Variants in CEP112 observed in about 807,000 individuals in gnomAD.
The protein encoded by CEP112 is centrosomal protein 112.
A neutral mutation model predicts 153.0 loss-of-function variants in CEP112; 127 were observed. The ratio of observed to expected loss-of-function variants is 0.83; its 90% CI spans 0.72 to 0.96. CEP112 has a LOEUF of 0.96. CEP112 is among the 40% of genes least tolerant of loss of function. The probability of loss-of-function intolerance (pLI) is 0.00; values close to 1 mark genes in which losing one functional copy is unlikely to be tolerated. For synonymous variants in CEP112, 358 were observed against 374.4 expected (o/e 0.96, Z 0.51); for missense variants, 1,089 against 1,101.2 (o/e 0.99, Z 0.16).
rs2047267810 is a variant in CEP112, at chr17:65,676,992, C to T, written c.2697+12137G>A. 1.3e-5 allele frequency among the ~76,000 whole-genome samples: 2 copies of T among 152,164 alleles called. 1 individual carries two copies. Among genetic ancestry groups the T allele is most frequent in the Admixed American group, 1.3e-4 (2 of 15,280 alleles). ...CTAAGAAACAGGACAAGCATCTGAA[C>T]ATGATATCTGTGCCCTTCCCAACAT... is the stretch of plus-strand genomic sequence containing the variant. On this transcript the variant is annotated intron_variant, in intron 24 of 26. Transcript: ENST00000535342.
At position 65,884,654 on chromosome 17, in the gene CEP112, A is replaced by G. The variant is rs144821664; in HGVS notation, c.2163+17498T>C. ...GTTAATGTTTTGCAAATTTAAAACT[A>G]TACATATTCGGAATTTATTCCAACT... On this transcript the variant is annotated intron_variant, in intron 20 of 26. Coordinates refer to ENST00000535342, the MANE Select transcript of CEP112 (RefSeq NM_001199165.4). 3.1e-3 allele frequency among the ~76,000 whole-genome samples: 472 copies of G among 151,430 alleles called. 2 individuals are homozygous for G. The highest frequency in any genetic ancestry group is 0.011 in the African/African-American group (461 of 41,240).
At chr17:65,799,483 G>C (rs893561674) in intron 21 of CEP112, among the ~76,000 whole-genome samples, 1 of 152,224 alleles carries the variant, frequency 6.6e-6, no homozygotes, top group African/African-American at 2.4e-5. Context: ...TTTGGATGCA[G>C]TGGGATGGGG....
chr17:66,064,756 C>A (rs1183212900), intron 10 of CEP112, among the ~76,000 whole-genome samples: 5 of 152,112 alleles, frequency 3.3e-5, no homozygotes, highest in Non-Finnish European at 7.4e-5. Context: ...AAAACCTCAT[C>A]ATTTTTAAAC....
chr17:65,932,138 ACC>A (rs1428044988), intron 18 of CEP112, among the ~76,000 whole-genome samples: 1 of 152,198 alleles, frequency 6.6e-6, no homozygotes, highest in Non-Finnish European at 1.5e-5. Flanking sequence ...CAGGAGCCAC[ACC>A]TGACTTCATA....
At chr17:65,638,879 C>A (rs1044174216) in intron 25 of CEP112, among the ~76,000 whole-genome samples, 3 of 151,398 alleles carry the variant, frequency 2.0e-5, no homozygotes, top group Admixed American at 1.3e-4. Flanking sequence ...AGAAGCCCTG[C>A]AGGTGGGTAT....
chr17:66,093,748 G>A (rs2068231573), intron 8 of CEP112, among the ~76,000 whole-genome samples: 1 of 152,086 alleles, frequency 6.6e-6, no homozygotes, highest in Non-Finnish European at 1.5e-5. Context: ...AAATGTCCAT[G>A]CTATCCAAAG....
chr17:65,689,347 AAAC>A (rs766418153), intron 23 of CEP112, 129 bp from the exon 24 acceptor site: 16 of 616,886 alleles, frequency 2.6e-5, no homozygotes, highest in African/African-American at 7.5e-5. Flanking sequence ...GCATTCAGGC[AAAC>A]AATACCAGAC....
chr17:65,932,493 G>A (rs994067817), intron 18 of CEP112, among the ~76,000 whole-genome samples: 1 of 152,180 alleles, frequency 6.6e-6, no homozygotes, highest in African/African-American at 2.4e-5. Flanking sequence ...GTATTAGTTT[G>A]TTCTTGCATT....
intron 17 of CEP112, among the ~76,000 whole-genome samples, chr17:65,979,972 C>A (rs760046453): frequency 1.2e-4 from 18 of 152,026 alleles, no homozygotes; most frequent in Non-Finnish European, 2.1e-4. Flanking sequence ...AGCTAAGGAA[C>A]AATTAACTTA....
intron 23 of CEP112, among the ~76,000 whole-genome samples, chr17:65,717,493 C>T (rs1266751818): frequency 1.3e-5 from 2 of 152,312 alleles, no homozygotes; most frequent in East Asian, 3.9e-4. Flanking sequence ...TAATACTTAT[C>T]TTTTCTTTTG....
At chr17:65,640,010 G>C (rs1264344599) in intron 25 of CEP112, among the ~76,000 whole-genome samples, 1 of 149,182 alleles carries the variant, frequency 6.7e-6, no homozygotes, top group Non-Finnish European at 1.5e-5. Context: ...GCTAATTTTT[G>C]TATTTTTAGT....
intron 16 of CEP112, among the ~76,000 whole-genome samples, chr17:66,016,230 G>A (rs1325179070): frequency 1.3e-5 from 2 of 152,098 alleles, no homozygotes; most frequent in Non-Finnish European, 2.9e-5. Flanking sequence ...AATCTTCTGT[G>A]TAATGCTCTC....
At chr17:65,898,168 A>G (rs752135444) in intron 20 of CEP112, among the ~76,000 whole-genome samples, 39 of 152,288 alleles carry the variant, frequency 2.6e-4, no homozygotes, top group Admixed American at 1.6e-3. Flanking sequence ...ATATAAAAAA[A>G]TTAAAATGTT....
chr17:65,858,182 C>T (rs918935651), intron 20 of CEP112, among the ~76,000 whole-genome samples: 1 of 152,004 alleles, frequency 6.6e-6, no homozygotes, highest in African/African-American at 2.4e-5. Flanking sequence ...TCTTCTTGTA[C>T]CAGTCATCTT....
chr17:65,873,410 T>G (rs2058727115), intron 20 of CEP112: 2 of 152,232 alleles, frequency 1.3e-5, no homozygotes, highest in South Asian at 4.1e-4. Flanking sequence ...CTTGACCTCT[T>G]GATCTGACTT....
chr17:66,142,871 T>C (rs1300000978), intron 4 of CEP112, among the ~76,000 whole-genome samples: 1 of 152,200 alleles, frequency 6.6e-6, no homozygotes, highest in Non-Finnish European at 1.5e-5. Flanking sequence ...ATTTTTTTTA[T>C]TGTTGTGAAA....
chr17:66,042,987 T>C, intron 12 of CEP112: 1 of 468,346 alleles, frequency 2.1e-6, no homozygotes, highest in Non-Finnish European at 2.8e-6. Context: ...GCTATCTCAG[T>C]GTGTCCATGA....
intron 24 of CEP112, among the ~76,000 whole-genome samples, chr17:65,666,961 C>T (rs888743010): frequency 2.6e-5 from 4 of 152,124 alleles, no homozygotes; most frequent in Non-Finnish European, 5.9e-5. Context: ...ATTATTTAAA[C>T]ACTGGCATCT....
chr17:66,094,231 C>T (rs1331402097), intron 8 of CEP112, among the ~76,000 whole-genome samples: 4 of 151,732 alleles, frequency 2.6e-5, no homozygotes, highest in African/African-American at 7.3e-5. Context: ...GGCTAATTTT[C>T]GTATTTTTAG....
Sources: allele counts gnomAD v4.1 joint callset (sites outside exome capture counted in the v4.1 genomes callset), GRCh38; gene constraint gnomAD v4.1.1; transcripts MANE v1.5; gene names NCBI Gene and HGNC (gene_info 2026-07-23, HGNC 2026-07-21).